Variants in TRIML2 observed in about 807,000 individuals in gnomAD.
TRIML2 encodes the protein tripartite motif family like 2.
In TRIML2, 28 loss-of-function variants were observed where a neutral mutation model predicts 31.2. That is an observed-to-expected ratio of 0.90 (90% CI 0.66 to 1.23). TRIML2 has a LOEUF of 1.23. TRIML2 is among the 50% of genes most tolerant of loss of function. The pLI is 0.00. For missense variants in TRIML2, 536 were observed against 528.3 expected, an observed-to-expected ratio of 1.01 and a Z score of -0.14; for synonymous variants, 187 against 197.5, an observed-to-expected ratio of 0.95 and a Z score of 0.45.
intron 3 of TRIML2, among the ~76,000 whole-genome samples, chr4:188,103,428 C>T (rs764732970): frequency 1.5e-4 from 23 of 152,222 alleles, no homozygotes; most frequent in Non-Finnish European, 3.2e-4. Context: ...TCATTGAAGG[C>T]TGCCACCCTA....
At chr4:188,098,340 T>G (rs1043877153) in intron 5 of TRIML2, 2 of 405,620 alleles carry the variant, frequency 4.9e-6, no homozygotes, top group African/African-American at 4.2e-5. Context: ...ATCTCCAGCC[T>G]CACAAGCTGA....
chr4:188,104,599 G>A (rs1336536626), intron 3 of TRIML2, among the ~76,000 whole-genome samples: 2 of 152,094 alleles, frequency 1.3e-5, no homozygotes, highest in Non-Finnish European at 2.9e-5. Flanking sequence ...CTGACCTCAA[G>A]TGATCCGCCC....
In TRIML2 at chr4:188,097,172, A is replaced by G; in HGVS notation, c.645-11T>C. The G allele has an allele frequency of 6.2e-7, 1 of 1,613,092 alleles. No individual in the cohort carries two copies. On this transcript the variant is annotated splice_polypyrimidine_tract_variant and intron_variant, in intron 6 of 7. Coordinates refer to ENST00000682553, the MANE Select transcript of TRIML2 (RefSeq NM_173553.4). Reference sequence around the variant, plus strand: ...AGCAGTGACTTGCTCCTGAAGAGAAAGGACAGCCTCAGTCATCTGCACAGA... The same window carrying G: ...AGCAGTGACTTGCTCCTGAAGAGAAGGGACAGCCTCAGTCATCTGCACAGA...
chr4:188,097,916 G>A (rs1223348742), intron 5 of TRIML2, among the ~76,000 whole-genome samples: 3 of 152,160 alleles, frequency 2.0e-5, no homozygotes, highest in Admixed American at 2.0e-4. Flanking sequence ...GAGGTCGGGA[G>A]TTTAAGACCA....
At chr4:188,093,491 C>A (rs2111155273) in intron 7 of TRIML2, among the ~76,000 whole-genome samples, 1 of 151,736 alleles carries the variant, frequency 6.6e-6, no homozygotes, top group East Asian at 2.0e-4. Flanking sequence ...CTGGCGAAAC[C>A]CCATCTCTAC....
chr4:188,096,078 A>G (rs977760419), intron 7 of TRIML2, among the ~76,000 whole-genome samples: 2 of 152,196 alleles, frequency 1.3e-5, no homozygotes, highest in African/African-American at 4.8e-5. Flanking sequence ...ATCTGCCTGC[A>G]ATCATGTTTC....
chr4:188,099,571 A>T (rs1733680183), intron 4 of TRIML2, among the ~76,000 whole-genome samples: 1 of 142,906 alleles, frequency 7.0e-6, no homozygotes, highest in African/African-American at 2.9e-5. Flanking sequence ...ATCAAAAAAA[A>T]AAACCAAAAC....
rs758092392 is a variant in TRIML2, at chr4:188,091,457, G to A, written c.1230C>T (p.Leu410=). The change falls in exon 8 of 8, where the codon CTC becomes CTT. Residue 410 remains leucine, a synonymous_variant. Transcript: ENST00000682553. ...GACTTGTGTCTCCATTTGGGATACA[G>A]AGGGAAAACACAGGCCTGAGAGCTC... ...FQGALRPVFS[L]CIPNGDTSPD... 3.7e-6 allele frequency: 6 copies of A among 1,614,216 alleles called. No homozygotes were observed. Among genetic ancestry groups the A allele is most frequent in the African/African-American group, 1.3e-5 (1 of 75,048 alleles).
intron 7 of TRIML2, among the ~76,000 whole-genome samples, chr4:188,093,999 G>T (rs1733383670): frequency 6.6e-6 from 1 of 151,850 alleles, no homozygotes; most frequent in Admixed American, 6.6e-5. Flanking sequence ...GTTGAGGCAG[G>T]AGAATCGTTT....
At chr4:188,101,988 G>A (rs1733813606) in intron 3 of TRIML2, among the ~76,000 whole-genome samples, 2 of 151,492 alleles carry the variant, frequency 1.3e-5, no homozygotes, top group South Asian at 4.2e-4. Flanking sequence ...AAATTAGCCG[G>A]GCTTGGTGGC....
In TRIML2 at chr4:188,091,564, CA is replaced by C. The variant is rs1044100550; in HGVS notation, c.1122del (p.Asp375ThrfsTer12). 35 of 1,614,000 alleles carry C rather than the reference CA, an allele frequency of 2.2e-5. No individual in the cohort carries two copies. The highest frequency in any genetic ancestry group is 2.8e-5 in the Non-Finnish European group (33 of 1,180,038). ...EKKLDTVGVFLDCEHGQISFY... is the reference protein window; with the variant it reads ...EKKLDTVGVFXDCEHGQISFY... ...AATGATATCTGCCCGTGTTCGCAGTCAAGGAAAACGCCAACTGTGTCCAACT... is the reference window on the plus strand; with the variant it reads ...AATGATATCTGCCCGTGTTCGCAGTCAGGAAAACGCCAACTGTGTCCAACT... On this transcript the variant is annotated frameshift_variant, in exon 8 of 8. Coordinates refer to ENST00000682553, the MANE Select transcript of TRIML2 (RefSeq NM_173553.4). LOFTEE classifies it low-confidence loss of function (END_TRUNC).
Position 188,097,134 on chromosome 4 carries a change from C to T in TRIML2, c.672G>A (p.Leu224=). Residue 224 remains leucine (L), a synonymous_variant, in exon 7 of 8, where the codon CTG becomes CTA. Transcript: ENST00000682553. ...ERSKSLLLEH[L]EPAHITDLSL... ...TCAGGTCTGTGATATGAGCGGGCTC[C>T]AGATGCTCAAGCAGCAGTGACTTGC... 1 of 1,614,096 alleles carries T rather than the reference C, an allele frequency of 6.2e-7. No homozygotes were observed. The highest frequency in any genetic ancestry group is 1.7e-5 in the Admixed American group (1 of 60,006).
intron 4 of TRIML2, among the ~76,000 whole-genome samples, chr4:188,099,981 G>A (rs1480499113): frequency 6.6e-6 from 1 of 151,988 alleles, no homozygotes; most frequent in Admixed American, 6.6e-5. Flanking sequence ...ATGTTATTTA[G>A]GGGGAAAAAA....
chr4:188,092,093 A>G, intron 7 of TRIML2, 152 bp from the exon 8 acceptor site: 1 of 708,700 alleles, frequency 1.4e-6, no homozygotes, highest in Non-Finnish European at 2.3e-6. Context: ...AGGAAAAGGA[A>G]CTGCTGAACT....
intron 3 of TRIML2, among the ~76,000 whole-genome samples, chr4:188,103,156 G>T (rs1002275213): frequency 6.6e-6 from 1 of 151,658 alleles, no homozygotes; most frequent in African/African-American, 2.4e-5. Flanking sequence ...GGGACTACAG[G>T]CACCTGCCAC....
In TRIML2 at chr4:188,099,034, C is replaced by A. The variant is rs1049197471; in HGVS notation, c.621+1G>T. ...TTATTTTCTTTTTCCCAGCATCTTACCTTGAGCAATGCCAAGGTGCCTTCC... is the reference window on the plus strand; with the variant it reads ...TTATTTTCTTTTTCCCAGCATCTTAACTTGAGCAATGCCAAGGTGCCTTCC... On this transcript the variant is annotated splice_donor_variant, in intron 5 of 7. Transcript: ENST00000682553. LOFTEE classifies it high-confidence loss of function. 6.2e-7 allele frequency: 1 copy of A among 1,614,110 alleles called. No individual in the cohort carries two copies. Among genetic ancestry groups the A allele is most frequent in the African/African-American group, 1.3e-5 (1 of 75,038 alleles).
chr4:188,097,883 A>G (rs1345978122), intron 5 of TRIML2, among the ~76,000 whole-genome samples: 1 of 152,204 alleles, frequency 6.6e-6, no homozygotes, highest in Non-Finnish European at 1.5e-5. Context: ...GCACTTTGGG[A>G]GGCCAAGGTG....
chr4:188,094,933 C>T (rs1049340352), intron 7 of TRIML2, among the ~76,000 whole-genome samples: 8 of 152,114 alleles, frequency 5.3e-5, no homozygotes, highest in African/African-American at 1.9e-4. Context: ...AAAGAGTCAA[C>T]CATCAATAGA....
chr4:188,106,450 G>A (rs1734044026), intron 1 of TRIML2: 1 of 152,284 alleles, frequency 6.6e-6, no homozygotes. Flanking sequence ...AAAATTTCAG[G>A]AGTGACGTGA....
Sources: allele counts gnomAD v4.1 joint callset (sites outside exome capture counted in the v4.1 genomes callset), GRCh38; gene constraint gnomAD v4.1.1; transcripts MANE v1.5; gene names NCBI Gene and HGNC (gene_info 2026-07-23, HGNC 2026-07-21).